GNAS: variants seen among roughly 807,000 people sequenced by gnomAD.
The protein encoded by GNAS is protein ALEX.
In GNAS, 8 loss-of-function variants were observed where a neutral mutation model predicts 54.5. The observed-to-expected ratio is 0.15, with a 90% CI of 0.09 to 0.26. The LOEUF is 0.26. Among genes scored for constraint, GNAS ranks in the 10% least tolerant of loss-of-function variants. The pLI, the probability that GNAS is intolerant of heterozygous loss-of-function variation, is 1.00. For synonymous variants in GNAS, 204 were observed against 191.4 expected, an observed-to-expected ratio of 1.07 and a Z score of -0.54; for missense variants, 170 against 529.8, an observed-to-expected ratio of 0.32 and a Z score of 6.67.
chr20:58,848,546 C>A (rs2086029078), intron 1 of GNAS, among the ~76,000 whole-genome samples: 1 of 152,182 alleles, frequency 6.6e-6, no homozygotes, highest in African/African-American at 2.4e-5. Flanking sequence ...ATGGCAGATC[C>A]TAAAAAAGCC....
chr20:58,855,381 G>C (rs750977403), intron 1 of GNAS: 43 of 1,528,120 alleles, frequency 2.8e-5, no homozygotes, highest in Admixed American at 1.6e-4. Flanking sequence ...CCGGGGAACC[G>C]GGGAGGGGGT....
At chr20:58,901,192 G>C (rs997634381) in intron 3 of GNAS, among the ~76,000 whole-genome samples, 1 of 152,196 alleles carries the variant, frequency 6.6e-6, no homozygotes, top group African/African-American at 2.4e-5. Flanking sequence ...ATTTGCCCTA[G>C]GGGGTTTTGG....
rs1308711251 is a variant in GNAS at position 58,873,953 on chromosome 20, G to T, written c.44-21659G>T. Among the ~76,000 whole-genome samples the T allele has an allele frequency of 6.6e-6, 1 of 152,184 alleles. No homozygotes were observed. The highest frequency in any genetic ancestry group is 2.4e-5 in the African/African-American group (1 of 41,432). Reference sequence around the variant, plus strand: ...GCCCAGTTGAGCACACCAAATCAGAGGTTACCTAAAAGTGTCATGAGTGCT... The same window carrying T: ...GCCCAGTTGAGCACACCAAATCAGATGTTACCTAAAAGTGTCATGAGTGCT... On this transcript the variant is annotated intron_variant, in intron 1 of 12. Transcript: ENST00000306090. The surrounding 1 kb of genome is among the most constrained non-coding windows in gnomAD (Gnocchi z 4.3).
intron 1 of GNAS, among the ~76,000 whole-genome samples, chr20:58,860,452 C>T (rs929526417): frequency 6.6e-6 from 1 of 151,994 alleles, no homozygotes; most frequent in Non-Finnish European, 1.5e-5. Flanking sequence ...AGTTACTTTT[C>T]TGCATAGCTC....
Position 58,853,349 on chromosome 20 carries a change from A to G in GNAS, c.43+12463A>G. 1 of 1,551,908 alleles carries G rather than the reference A, an allele frequency of 6.4e-7. No homozygotes were observed. The highest frequency in any genetic ancestry group is 8.7e-7 in the Non-Finnish European group (1 of 1,147,712). On this transcript the variant is annotated intron_variant, in intron 1 of 12. Coordinates refer to the GNAS transcript ENST00000306090. This position sits in a 1 kb window ranked among gnomAD's most constrained non-coding sequence, Gnocchi z 4.4. ...CTGAAATCGGGGAACAGCCCGAGCA[A>G]CCACCTTTGGAGGCCCCAGGGGCAG...
intron 1 of GNAS, among the ~76,000 whole-genome samples, chr20:58,845,658 T>C (rs1488103635): frequency 6.6e-6 from 1 of 152,230 alleles, no homozygotes; most frequent in East Asian, 1.9e-4. Flanking sequence ...AATTTTTTAC[T>C]GGTATTTGTT....
At chr20:58,851,003 G>A in intron 1 of GNAS, 2 of 398,312 alleles carry the variant, frequency 5.0e-6, no homozygotes, top group Non-Finnish European at 8.8e-6. Context: ...CTGACCCGGC[G>A]CTGGGGTCGG....
chr20:58,891,787 G>A lies in GNAS; in HGVS notation c.61G>A (p.Glu21Lys), dbSNP rs2089380994. 4 of 1,286,598 alleles carry A rather than the reference G, an allele frequency of 3.1e-6. No individual in the cohort carries two copies. The highest frequency in any genetic ancestry group is 4.1e-6 in the Non-Finnish European group (4 of 976,884). The allele number at this position is 1,286,598 out of a possible 1,614,324, so 79.7% of individuals were successfully genotyped here. A position where few individuals can be genotyped will look rare whatever the true frequency, so the allele number is the denominator to read the frequency against. Residue 21 changes from glutamate (E) to lysine (K), a missense_variant, in exon 1 of 13, where the codon GAG becomes AAG. By Grantham distance (56) the Glu-to-Lys change is moderately conservative (BLOSUM62 1). Transcript: ENST00000371085. ...GCGCAACGAGGAGAAGGCGCAGCGTGAGGCCAACAAAAAGATCGAGAAGCA... is the reference window on the plus strand; with the variant it reads ...GCGCAACGAGGAGAAGGCGCAGCGTAAGGCCAACAAAAAGATCGAGAAGCA... ...DQRNEEKAQR[E>K]ANKKIEKQLQ...
At chr20:58,905,281 T>C (rs779618861) in intron 5 of GNAS, 102 bp from the exon 6 acceptor site, 1 of 758,872 alleles carries the variant, frequency 1.3e-6, no homozygotes, top group Non-Finnish European at 2.4e-6. Flanking sequence ...TCACACCAAG[T>C]GTCGGTCACA....
At chr20:58,861,044 C>T (rs1286910964) in intron 1 of GNAS, among the ~76,000 whole-genome samples, 1 of 152,156 alleles carries the variant, frequency 6.6e-6, no homozygotes, top group East Asian at 1.9e-4. Flanking sequence ...CAGCCATGCT[C>T]CTTCTTCTTT....
upstream of GNAS, chr20:58,889,023 C>T (rs1164736709): frequency 1.0e-6 from 1 of 978,506 alleles, no homozygotes; most frequent in Non-Finnish European, 1.2e-6. Context: ...CCTGCACCCC[C>T]AGGGTGCGCG....
intron 1 of GNAS, chr20:58,850,812 T>C: frequency 2.5e-6 from 1 of 398,722 alleles, no homozygotes; most frequent in Non-Finnish European, 4.4e-6. Flanking sequence ...GTCCTCGTGG[T>C]CTTCCAGGCC....
intron 1 of GNAS, among the ~76,000 whole-genome samples, chr20:58,852,137 G>A (rs948364580): frequency 4.6e-5 from 7 of 151,918 alleles, no homozygotes; most frequent in Non-Finnish European, 1.0e-4. Flanking sequence ...TCCCTAGGGG[G>A]CTTTGCTCTT....
At position 58,910,208 on chromosome 20, in the gene GNAS, C is replaced by T. The variant is rs919759050; in HGVS notation, c.971-126C>T. On this transcript the variant is annotated intron_variant, in intron 11 of 12. Coordinates refer to ENST00000371085, the MANE Select transcript of GNAS (RefSeq NM_000516.7). This position sits in a 1 kb window ranked among gnomAD's most constrained non-coding sequence, Gnocchi z 5.8. ...GGATCTATAAGAGAAGCAAGAAAAA[C>T]GCACTCCCACTAATTCTCATATGGA... is the stretch of plus-strand genomic sequence containing the variant. 53 of 1,271,312 alleles carry T rather than the reference C, an allele frequency of 4.2e-5. No homozygotes were observed. The highest frequency in any genetic ancestry group is 1.8e-4 in the Middle Eastern group (1 of 5,452). 78.8% of individuals were successfully genotyped at this position (1,271,312 alleles called of 1,614,324 possible).
At chr20:58,907,773 C>T (rs1027571096) in intron 6 of GNAS, among the ~76,000 whole-genome samples, 1 of 152,248 alleles carries the variant, frequency 6.6e-6, no homozygotes, top group African/African-American at 2.4e-5. Flanking sequence ...TGTCCTCCCT[C>T]ACCCGTGGCT....
At chr20:58,854,970 G>A (rs2086396907) in intron 1 of GNAS, 1 of 1,611,762 alleles carries the variant, frequency 6.2e-7, no homozygotes, top group African/African-American at 1.3e-5. Flanking sequence ...CGATGAAGGG[G>A]TGGCCAGCAG....
At chr20:58,854,448 GC>G in intron 1 of GNAS, 1 of 1,576,128 alleles carries the variant, frequency 6.3e-7, no homozygotes, top group Non-Finnish European at 8.6e-7. Flanking sequence ...TGCCAGGGCA[GC>G]CCCTGCAGCC....
upstream of GNAS, among the ~76,000 whole-genome samples, chr20:58,889,725 C>G (rs1173866805): frequency 6.6e-6 from 1 of 151,154 alleles, no homozygotes; most frequent in Non-Finnish European, 1.5e-5. Context: ...GCCCGAAGCC[C>G]GGGCAGCCGC....
chr20:58,906,858 GA>G (rs2091098186), intron 6 of GNAS, among the ~76,000 whole-genome samples: 1 of 152,190 alleles, frequency 6.6e-6, no homozygotes, highest in African/African-American at 2.4e-5. Context: ...TCTGTTTGTT[GA>G]TGCTGCAGAA....
Sources: allele counts gnomAD v4.1 joint callset (sites outside exome capture counted in the v4.1 genomes callset), GRCh38; gene constraint gnomAD v4.1.1; non-coding constraint Gnocchi (gnomAD v3.1); transcripts MANE v1.5; gene names NCBI Gene and HGNC (gene_info 2026-07-23, HGNC 2026-07-21).